Variants in DLGAP4 observed in about 807,000 individuals in gnomAD.
DLGAP4 encodes disks large-associated protein 4.
A neutral mutation model predicts 86.9 loss-of-function variants in DLGAP4; 18 were observed. The observed-to-expected ratio is 0.21, with a 90% confidence interval of 0.14 to 0.31. The LOEUF (loss-of-function observed/expected upper bound fraction) is 0.31. Among genes scored for constraint, DLGAP4 ranks in the 10% least tolerant of loss-of-function variants. The pLI is 1.00. For synonymous variants in DLGAP4, 548 were observed against 574.3 expected (o/e 0.95, Z 0.65); for missense variants, 1,085 against 1,362.6 (o/e 0.80, Z 3.21).
chr20:36,487,099 G>C (rs2035451513), intron 7 of DLGAP4, among the ~76,000 whole-genome samples: 1 of 152,222 alleles, frequency 6.6e-6, no homozygotes, highest in Non-Finnish European at 1.5e-5. Flanking sequence ...TTGCGGTAGA[G>C]AGGTGAGGCT....
intron 10 of DLGAP4, among the ~76,000 whole-genome samples, chr20:36,504,159 T>A (rs1406152815): frequency 6.6e-6 from 1 of 152,210 alleles, no homozygotes; most frequent in Non-Finnish European, 1.5e-5. Context: ...TTAATTATAT[T>A]CACAATATTG....
At chr20:36,451,428 GC>G (rs1416370692) in intron 7 of DLGAP4, among the ~76,000 whole-genome samples, 1 of 150,908 alleles carries the variant, frequency 6.6e-6, no homozygotes, top group African/African-American at 2.4e-5. Context: ...TCAGCTCACT[GC>G]AACATCTACC....
At chr20:36,358,694 G>A (rs1342606107) in intron 1 of DLGAP4, among the ~76,000 whole-genome samples, 1 of 152,154 alleles carries the variant, frequency 6.6e-6, no homozygotes, top group East Asian at 1.9e-4. Flanking sequence ...TGTAGTCCCA[G>A]CTACTCGGGA....
chr20:36,489,387 T>C (rs1306499804), intron 7 of DLGAP4, among the ~76,000 whole-genome samples: 2 of 152,224 alleles, frequency 1.3e-5, no homozygotes, highest in African/African-American at 4.8e-5. Context: ...CATCATAGCT[T>C]CTGTACCAGG....
At chr20:36,317,676 T>C (rs1225459926) in intron 1 of DLGAP4, among the ~76,000 whole-genome samples, 1 of 151,660 alleles carries the variant, frequency 6.6e-6, no homozygotes, top group Admixed American at 6.6e-5. Flanking sequence ...AGGCTGGTCT[T>C]GAACTCTTGG....
chr20:36,355,702 T>A (rs1249996044), intron 1 of DLGAP4, among the ~76,000 whole-genome samples: 1 of 152,262 alleles, frequency 6.6e-6, no homozygotes, highest in African/African-American at 2.4e-5. Context: ...ATTTTGCTTA[T>A]CTGTTTGCTG....
At chr20:36,336,367 C>T (rs2065322292) in intron 1 of DLGAP4, among the ~76,000 whole-genome samples, 1 of 152,146 alleles carries the variant, frequency 6.6e-6, no homozygotes, top group African/African-American at 2.4e-5. Context: ...TGAGACTCTG[C>T]CCCCAGACAC....
chr20:36,507,164 T>A (rs1444936375), intron 10 of DLGAP4, among the ~76,000 whole-genome samples: 2 of 152,190 alleles, frequency 1.3e-5, no homozygotes, highest in East Asian at 3.9e-4. Context: ...GCTCTCTGAT[T>A]AAATTCTGTA....
In DLGAP4 at chr20:36,396,510, A is replaced by G. The variant is rs1030730899; in HGVS notation, c.-73+29235A>G. 8.9e-4 allele frequency among the ~76,000 whole-genome samples: 101 copies of G among 113,232 alleles called. 1 individual carries two copies. Among genetic ancestry groups the G allele is most frequent in the Middle Eastern group, 5.1e-3 (1 of 196 alleles). The allele number at this position is 113,232 out of a possible 152,430, so 74.3% of individuals were successfully genotyped here. On this transcript the variant is annotated intron_variant, in intron 2 of 12. Coordinates refer to ENST00000339266, the MANE Select transcript of DLGAP4 (RefSeq NM_001365621.2). ...CCACACACATGCACACCATACACACACACCACATACATACACGTGCACACA... is the reference window on the plus strand; with the variant it reads ...CCACACACATGCACACCATACACACGCACCACATACATACACGTGCACACA...
chr20:36,396,353 A>ACACACACGCACACACACAC (rs2031957428), intron 2 of DLGAP4, among the ~76,000 whole-genome samples: 2 of 133,822 alleles, frequency 1.5e-5, no homozygotes, highest in Admixed American at 7.5e-5. Flanking sequence ...ACACACACAC[A>ACACACACGCACACACACAC]TACCACACGC....
intron 7 of DLGAP4, among the ~76,000 whole-genome samples, chr20:36,480,496 G>A (rs992831070): frequency 2.0e-5 from 3 of 152,088 alleles, no homozygotes; most frequent in East Asian, 1.9e-4. Flanking sequence ...TTGAGCCCAG[G>A]AGTTTGAGAT....
Position 36,514,343 on chromosome 20 carries a change from A to G in DLGAP4, c.2513-9907A>G, listed in dbSNP as rs533375859. On this transcript the variant is annotated intron_variant, in intron 10 of 12. Coordinates refer to ENST00000339266, the MANE Select transcript of DLGAP4 (RefSeq NM_001365621.2). ...AGGAGAGTAATTGGAGACCACATGC[A>G]TGGATTTTCCTGTACAAGGAAGCAG... Among the ~76,000 whole-genome samples the G allele has an allele frequency of 1.1e-4, 17 of 152,326 alleles. No homozygotes were observed. The South Asian group carries it at 3.5e-3, about 32-fold the overall frequency.
intron 7 of DLGAP4, among the ~76,000 whole-genome samples, chr20:36,473,912 CTG>C (rs149196510): frequency 6.6e-6 from 1 of 152,340 alleles, no homozygotes; most frequent in Non-Finnish European, 1.5e-5. Context: ...AAGAGCATCT[CTG>C]TAGAGTTGGA....
At chr20:36,421,183 C>A (rs1004731298) in intron 2 of DLGAP4, among the ~76,000 whole-genome samples, 2 of 149,870 alleles carry the variant, frequency 1.3e-5, no homozygotes, top group African/African-American at 4.9e-5. Flanking sequence ...GGGCCGGGCG[C>A]GGTGGCTCAT....
intron 2 of DLGAP4, among the ~76,000 whole-genome samples, chr20:36,379,631 G>C (rs539134989): frequency 2.0e-5 from 3 of 152,290 alleles, no homozygotes; most frequent in African/African-American, 7.2e-5. Context: ...GGTGCTGGTT[G>C]TGGGGAGGGG....
At chr20:36,417,042 A>G (rs2032675066) in intron 2 of DLGAP4, among the ~76,000 whole-genome samples, 1 of 152,180 alleles carries the variant, frequency 6.6e-6, no homozygotes, top group Non-Finnish European at 1.5e-5. Context: ...AGAGCGCGGG[A>G]GGCACTAATC....
chr20:36,470,962 G>A (rs2034634793), intron 7 of DLGAP4, among the ~76,000 whole-genome samples: 2 of 152,162 alleles, frequency 1.3e-5, no homozygotes, highest in South Asian at 4.1e-4. Flanking sequence ...CTCCATGCAC[G>A]AGTGCATGTG....
In DLGAP4 at chr20:36,336,101, T is replaced by TGTGTTG. The variant is rs531200892; in HGVS notation, c.-304+29590_-304+29595dup. Among the ~76,000 whole-genome samples the TGTGTTG allele has an allele frequency of 2.5e-4, 38 of 152,276 alleles. No homozygotes were observed. In the East Asian group the frequency reaches 6.6e-3, roughly 26 times the overall value. On this transcript the variant is annotated intron_variant, in intron 1 of 12. Coordinates refer to ENST00000339266, the MANE Select transcript of DLGAP4 (RefSeq NM_001365621.2). ...GTCCATGCCCATGGAACACCTATAG[T>TGTGTTG]GTGTTGCCCTGAGCTGCGGGGCACC...
rs2037883836 is a variant in DLGAP4, at chr20:36,528,166, C to CG, written c.*1135_*1136insG. ...TTTTTTTGGTCTCCACCCCCCTCCC[C>CG]CCGCCCCGCACTCCTAAGGGCCCAT... On this transcript the variant is annotated 3_prime_UTR_variant, in exon 13 of 13. Transcript: ENST00000339266. 2 of 151,610 alleles carry CG rather than the reference C, an allele frequency of 1.3e-5. No individual in the cohort carries two copies. The highest frequency in any genetic ancestry group is 4.9e-5 in the African/African-American group (2 of 40,894). 9.4% of individuals were successfully genotyped at this position (151,610 alleles called of 1,614,324 possible).
Sources: gnomAD v4.1 joint callset for allele counts (sites outside exome capture counted in the v4.1 genomes callset) on GRCh38, gnomAD v4.1.1 for gene constraint, MANE v1.5 for transcripts, NCBI Gene and HGNC (gene_info 2026-07-23, HGNC 2026-07-21) for gene names.